EDEM2: variants seen among roughly 807,000 people sequenced by gnomAD.
The protein encoded by EDEM2 is ER degradation-enhancing alpha-mannosidase-like protein 2.
A neutral mutation model predicts 64.8 loss-of-function variants in EDEM2; 39 were observed. The observed-to-expected ratio is 0.60, with a 90% confidence interval of 0.47 to 0.79. The LOEUF is 0.79. Ranked by LOEUF, EDEM2 falls within the 30% of genes least tolerant of loss-of-function variation. EDEM2 has a pLI of 0.00. For synonymous variants in EDEM2, 296 were observed against 291.5 expected, an observed-to-expected ratio of 1.02 and a Z score of -0.16; for missense variants, 609 against 731.3, an observed-to-expected ratio of 0.83 and a Z score of 1.93.
Position 35,118,664 on chromosome 20 carries a change from TAGG to T in EDEM2, c.1167_1169del (p.Leu390del). The T allele has an allele frequency of 6.2e-7, 1 of 1,613,724 alleles. No individual in the cohort carries two copies. The highest frequency in any genetic ancestry group is 8.5e-7 in the Non-Finnish European group (1 of 1,180,006). On this transcript the variant is annotated inframe_deletion, in exon 10 of 11. Coordinates refer to ENST00000374492, the MANE Select transcript of EDEM2 (RefSeq NM_018217.3). ...ATTCCACAGCATCTCTTCCGAGTTC[TAGG>T]AGGGTGGGATCCCCCGTGGCACGGT...
chr20:35,116,700 T>C (rs1360745281), intron 10 of EDEM2, among the ~76,000 whole-genome samples: 1 of 152,184 alleles, frequency 6.6e-6, no homozygotes, highest in Admixed American at 6.5e-5. Context: ...GAGCTAATCG[T>C]CCCTTTTAAT....
chr20:35,134,354 G>C (rs969794650), intron 6 of EDEM2, among the ~76,000 whole-genome samples: 1 of 152,114 alleles, frequency 6.6e-6, no homozygotes, highest in African/African-American at 2.4e-5. Context: ...CTGCCACTCA[G>C]TATCTCTCAG....
At chr20:35,131,885 G>A (rs1024278231) in intron 6 of EDEM2, 102 bp from the exon 7 acceptor site, 45 of 1,389,498 alleles carry the variant, frequency 3.2e-5, no homozygotes, top group Middle Eastern at 2.6e-4. Flanking sequence ...CAGGGCAGGT[G>A]CCCCAGTGCT....
At chr20:35,115,982 A>G in intron 10 of EDEM2, 49 bp from the exon 11 acceptor site, 1 of 1,578,242 alleles carries the variant, frequency 6.3e-7, no homozygotes, top group Non-Finnish European at 8.6e-7. Context: ...ACAATTTAGT[A>G]GTAAGGGTCA....
chr20:35,122,733 T>C (rs2085384599), intron 9 of EDEM2, among the ~76,000 whole-genome samples: 1 of 152,216 alleles, frequency 6.6e-6, no homozygotes, highest in South Asian at 2.1e-4. Flanking sequence ...TCAATAACAG[T>C]GGCCTCTAAG....
Position 35,115,502 on chromosome 20 carries a change from G to A in EDEM2, c.1668C>T (p.Leu556=), listed in dbSNP as rs1277191130. The change falls in exon 11 of 11, where the codon CTC becomes CTT. Residue 556 remains leucine (L), a synonymous_variant. Coordinates refer to ENST00000374492, the MANE Select transcript of EDEM2 (RefSeq NM_018217.3). ...AGGTGAAGGGCTGACTGGGGCAGCT[G>A]AGAAGTGGGACCTTCTGTTTGGCAG... The part of the protein sequence containing the change: ...RKPAKQKVPL[L]SCPSQPFTSK... The A allele has an allele frequency of 1.4e-5, 22 of 1,613,964 alleles. No homozygotes were observed. The highest frequency in any genetic ancestry group is 1.6e-4 in the Middle Eastern group (1 of 6,084).
chr20:35,123,020 G>A (rs1013218395), intron 9 of EDEM2, among the ~76,000 whole-genome samples: 1 of 152,046 alleles, frequency 6.6e-6, no homozygotes, highest in South Asian at 2.1e-4. Context: ...ACAATTTTCA[G>A]CTTCCCTGAA....
At chr20:35,127,151 C>T (rs1178160952) in intron 7 of EDEM2, among the ~76,000 whole-genome samples, 1 of 152,184 alleles carries the variant, frequency 6.6e-6, no homozygotes, top group African/African-American at 2.4e-5. Context: ...CTTGCCTGCA[C>T]CATGTAAGAT....
rs2085434015 is a variant in EDEM2, at chr20:35,126,460, A to G, written c.845-85T>C. ...CTGGACAGCGGAAGCGAGAACTTACACTTTGGAAAGAGCACCAGGATGCAA... is the reference window on the plus strand; with the variant it reads ...CTGGACAGCGGAAGCGAGAACTTACGCTTTGGAAAGAGCACCAGGATGCAA... On this transcript the variant is annotated intron_variant, in intron 7 of 10. Coordinates refer to ENST00000374492, the MANE Select transcript of EDEM2 (RefSeq NM_018217.3). 10 of 1,519,100 alleles carry G rather than the reference A, an allele frequency of 6.6e-6. No homozygotes were observed. In the South Asian group the frequency reaches 1.2e-4, roughly 19 times the overall value. 94.1% of individuals were successfully genotyped at this position (1,519,100 alleles called of 1,614,324 possible).
chr20:35,126,217 TAGAA>T, intron 8 of EDEM2, 30 bp downstream of exon 8: 1 of 1,605,982 alleles, frequency 6.2e-7, no homozygotes, highest in Non-Finnish European at 8.5e-7. Flanking sequence ...GCCAGACTCA[TAGAA>T]AGATGATCAC....
chr20:35,116,956 A>AT (rs1233032844), intron 10 of EDEM2, among the ~76,000 whole-genome samples: 2 of 151,620 alleles, frequency 1.3e-5, no homozygotes, highest in South Asian at 2.1e-4. Context: ...CACCCAGGTA[A>AT]TTTTTTTTGT....
At chr20:35,146,631 C>CT (rs998757672) in intron 2 of EDEM2, among the ~76,000 whole-genome samples, 194 bp downstream of exon 2, 13 of 151,836 alleles carry the variant, frequency 8.6e-5, no homozygotes, top group South Asian at 4.2e-4. Flanking sequence ...TAATCCAGGA[C>CT]TTTTTTTTTC....
At chr20:35,124,133 G>A (rs1335710030) in intron 8 of EDEM2, 99 bp from the exon 9 acceptor site, 27 of 1,446,474 alleles carry the variant, frequency 1.9e-5, no homozygotes, top group Non-Finnish European at 2.3e-5. Context: ...GGCCAAAAAG[G>A]CCTTGAATCA....
intron 7 of EDEM2, among the ~76,000 whole-genome samples, chr20:35,128,300 G>A (rs764859450): frequency 6.4e-5 from 9 of 140,088 alleles, no homozygotes; most frequent in Non-Finnish European, 9.2e-5. Context: ...GGAGAATGGC[G>A]TGAATCCGGG....
chr20:35,119,795 A>C (rs1569174206), intron 9 of EDEM2, among the ~76,000 whole-genome samples: 1 of 152,086 alleles, frequency 6.6e-6, no homozygotes. Flanking sequence ...TCCAGATGAG[A>C]ATATTTATTC....
At chr20:35,142,058 A>G (rs1479387407) in intron 4 of EDEM2, among the ~76,000 whole-genome samples, 1 of 152,238 alleles carries the variant, frequency 6.6e-6, no homozygotes, top group African/African-American at 2.4e-5. Context: ...AATAAGTTCC[A>G]AGAAGGCAAG....
intron 4 of EDEM2, among the ~76,000 whole-genome samples, chr20:35,139,279 G>A (rs1247325142): frequency 6.6e-6 from 1 of 151,722 alleles, no homozygotes; most frequent in Non-Finnish European, 1.5e-5. Flanking sequence ...AAACCCAGGA[G>A]GTGGAGGTTG....
chr20:35,147,310 G>C lies in EDEM2; in HGVS notation c.-52C>G. 2.1e-6 allele frequency: 3 copies of C among 1,433,794 alleles called. No individual in the cohort carries two copies. Among genetic ancestry groups the C allele is most frequent in the Non-Finnish European group, 2.8e-6 (3 of 1,089,002 alleles). The allele number at this position is 1,433,794 out of a possible 1,614,324, so 88.8% of individuals were successfully genotyped here. On this transcript the variant is annotated 5_prime_UTR_variant, in exon 1 of 11. Transcript: ENST00000374492. The stretch of plus-strand genomic sequence containing the variant: ...GCAGCAGCAGCAGCCACTGCAACCA[G>C]TTCATCCTGGGAGCTGCTGCGGGTT...
chr20:35,118,527 C>G, intron 10 of EDEM2, 71 bp downstream of exon 10: 1 of 1,606,856 alleles, frequency 6.2e-7, no homozygotes, highest in Non-Finnish European at 8.5e-7. Flanking sequence ...TCCCAAAGCT[C>G]TACCCTTAAA....
Sources: allele counts gnomAD v4.1 joint callset (sites outside exome capture counted in the v4.1 genomes callset), GRCh38; gene constraint gnomAD v4.1.1; transcripts MANE v1.5; gene names NCBI Gene and HGNC (gene_info 2026-07-23, HGNC 2026-07-21).